KDM4B: variants seen among roughly 807,000 people sequenced by gnomAD.
KDM4B encodes the protein lysine demethylase 4B, also known as lysine-specific demethylase 4B.
Under a neutral mutation model 125.2 loss-of-function variants are expected in KDM4B, and 32 were observed. The observed-to-expected ratio is 0.26, with a 90% CI of 0.19 to 0.34. The LOEUF (loss-of-function observed/expected upper bound fraction) is 0.34. KDM4B is among the 10% of genes least tolerant of loss of function. The pLI is 1.00. For missense variants in KDM4B, 1,190 were observed against 1,577.7 expected (o/e 0.75, Z 4.16); for synonymous variants, 721 against 677.9 (o/e 1.06, Z -0.99).
At chr19:5,036,578 C>T (rs774876145) in intron 3 of KDM4B, among the ~76,000 whole-genome samples, 2 of 152,240 alleles carry the variant, frequency 1.3e-5, no homozygotes, top group Non-Finnish European at 2.9e-5. Context: ...GCCCTGGCTG[C>T]CCTCAGCTAT....
chr19:4,970,057 C>G (rs1030736533), intron 1 of KDM4B, among the ~76,000 whole-genome samples: 6 of 152,110 alleles, frequency 3.9e-5, no homozygotes, highest in African/African-American at 1.4e-4. Context: ...TGGACATCCC[C>G]CTGGGAGCTG....
At chr19:5,004,293 G>A (rs377456744) in intron 1 of KDM4B, among the ~76,000 whole-genome samples, 20 of 152,250 alleles carry the variant, frequency 1.3e-4, no homozygotes, top group South Asian at 8.3e-4. Context: ...TCCACCATTC[G>A]TGTGCTCGGC....
In KDM4B at chr19:5,114,254, G is replaced by A. The variant is rs762911276; in HGVS notation, c.1115+3436G>A. 4.3e-5 allele frequency: 55 copies of A among 1,284,466 alleles called. No homozygotes were observed. The highest frequency in any genetic ancestry group is 2.5e-5 in the South Asian group (2 of 80,924). 79.6% of individuals were successfully genotyped at this position (1,284,466 alleles called of 1,614,324 possible). A position where few individuals can be genotyped will look rare whatever the true frequency, so the allele number is the denominator to read the frequency against. ...CTCCCTGCAGGACATCTGTGCACCC[G>A]CCTCACCACAGCCTCCCTGGCCCAC... is the stretch of plus-strand genomic sequence containing the variant. On this transcript the variant is annotated intron_variant, in intron 10 of 22. Transcript: ENST00000159111. This position sits in a 1 kb window ranked among gnomAD's most constrained non-coding sequence, Gnocchi z 5.8.
At position 5,018,100 on chromosome 19, in the gene KDM4B, G is replaced by A. The variant is rs571581305; in HGVS notation, c.-26+1761G>A. Reference sequence around the variant, plus strand: ...GTCACCCAGGCTGGAGTGCAGTGGTGTGATCATAGCTCACTGCAGCCTCCA... The same window carrying A: ...GTCACCCAGGCTGGAGTGCAGTGGTATGATCATAGCTCACTGCAGCCTCCA... On this transcript the variant is annotated intron_variant, in intron 2 of 22. Transcript: ENST00000159111. Among the ~76,000 whole-genome samples the A allele has an allele frequency of 2.2e-3, 339 of 152,232 alleles. 1 individual carries two copies. Among genetic ancestry groups the A allele is most frequent in the Middle Eastern group, 0.01 (3 of 294 alleles).
chr19:5,056,578 G>A (rs948969896), intron 6 of KDM4B, among the ~76,000 whole-genome samples: 1 of 152,048 alleles, frequency 6.6e-6, no homozygotes, highest in Non-Finnish European at 1.5e-5. Flanking sequence ...GCTGATTTTT[G>A]TATTTTTAGG....
intron 1 of KDM4B, among the ~76,000 whole-genome samples, chr19:4,978,812 G>A (rs2034543391): frequency 6.6e-6 from 1 of 152,226 alleles, no homozygotes; most frequent in Admixed American, 6.5e-5. Flanking sequence ...GGGAGCTCGG[G>A]CAGCATGGCT....
intron 2 of KDM4B, among the ~76,000 whole-genome samples, chr19:5,030,843 C>T (rs1355676436): frequency 5.3e-5 from 8 of 152,262 alleles, no homozygotes; most frequent in Non-Finnish European, 1.0e-4. Context: ...ACCACTGTGG[C>T]CACCACCGCA....
intron 21 of KDM4B, among the ~76,000 whole-genome samples, 199 bp from the exon 22 acceptor site, chr19:5,150,159 G>A (rs1031917027): frequency 1.3e-5 from 2 of 152,244 alleles, no homozygotes; most frequent in African/African-American, 4.8e-5. Flanking sequence ...TTGCCCCGTG[G>A]TACGGGACCC....
intron 7 of KDM4B, chr19:5,074,401 T>A (rs1599559678): frequency 6.6e-6 from 1 of 151,886 alleles, no homozygotes; most frequent in African/African-American, 2.4e-5. Context: ...GTGGAAGGGG[T>A]GTGCGAGTAA....
chr19:4,981,881 C>T lies in KDM4B; in HGVS notation c.-109+12651C>T, dbSNP rs144632394. On this transcript the variant is annotated intron_variant, in intron 1 of 22. Transcript: ENST00000159111. ...AAGACCCCATGGCAGGGGGCGGTCA[C>T]GTAACTAAACACTACCAAGTGTCAT... 7.1e-3 allele frequency among the ~76,000 whole-genome samples: 1,076 copies of T among 152,302 alleles called. 9 individuals are homozygous for T. Among genetic ancestry groups the T allele is most frequent in the African/African-American group, 0.025 (1,033 of 41,566 alleles).
intron 21 of KDM4B, among the ~76,000 whole-genome samples, chr19:5,149,421 CA>C (rs1405768409): frequency 6.6e-6 from 1 of 152,244 alleles, no homozygotes; most frequent in Admixed American, 6.5e-5. Context: ...GCCTCCACCT[CA>C]GCCTCCTGGG....
chr19:5,070,333 G>T (rs1257810462), intron 6 of KDM4B, among the ~76,000 whole-genome samples: 2 of 152,166 alleles, frequency 1.3e-5, no homozygotes, highest in Non-Finnish European at 2.9e-5. Flanking sequence ...TCCCAACATC[G>T]CAGGTCTCCA....
intron 1 of KDM4B, among the ~76,000 whole-genome samples, chr19:4,974,910 C>T (rs572402370): frequency 1.3e-5 from 2 of 152,184 alleles, no homozygotes; most frequent in South Asian, 4.1e-4. Flanking sequence ...TCCTTCCTTC[C>T]TTTCCTCCCT....
chr19:5,144,745 G>A, intron 20 of KDM4B, 38 bp from the exon 21 acceptor site: 2 of 1,612,346 alleles, frequency 1.2e-6, no homozygotes, highest in Non-Finnish European at 8.5e-7. Flanking sequence ...CCAGCGTAGT[G>A]TGGCCAGGAC....
chr19:5,023,019 A>G (rs977817944), intron 2 of KDM4B, among the ~76,000 whole-genome samples: 4 of 152,164 alleles, frequency 2.6e-5, no homozygotes, highest in African/African-American at 9.7e-5. Flanking sequence ...ATTACCTTAA[A>G]TGACAAAAGG....
At chr19:5,085,973 G>A (rs746194371) in intron 9 of KDM4B, among the ~76,000 whole-genome samples, 1 of 152,292 alleles carries the variant, frequency 6.6e-6, no homozygotes, top group South Asian at 2.1e-4. Context: ...TTCAGATCTT[G>A]TGTGCAGCCA....
At chr19:5,031,870 T>C (rs1172067932) in intron 2 of KDM4B, among the ~76,000 whole-genome samples, 1 of 152,200 alleles carries the variant, frequency 6.6e-6, no homozygotes, top group Non-Finnish European at 1.5e-5. Context: ...TCTGGGCGGC[T>C]CCCTGCCTTG....
At chr19:5,045,275 C>T (rs982637763) in intron 5 of KDM4B, among the ~76,000 whole-genome samples, 4 of 152,256 alleles carry the variant, frequency 2.6e-5, no homozygotes, top group African/African-American at 9.6e-5. Flanking sequence ...ATTGCCATTT[C>T]AATCTGCATT....
intron 21 of KDM4B, among the ~76,000 whole-genome samples, chr19:5,149,765 C>T (rs994651768): frequency 6.6e-6 from 1 of 152,260 alleles, no homozygotes; most frequent in African/African-American, 2.4e-5. Context: ...AGTCAGGCAT[C>T]TGCCACCTGG....
Sources: allele counts gnomAD v4.1 joint callset (sites outside exome capture counted in the v4.1 genomes callset), GRCh38; gene constraint gnomAD v4.1.1; non-coding constraint Gnocchi (gnomAD v3.1); transcripts MANE v1.5; gene names NCBI Gene and HGNC (gene_info 2026-07-23, HGNC 2026-07-21).